SERPING1: variants seen among roughly 807,000 people sequenced by gnomAD.
SERPING1 encodes serpin family G member 1.
In SERPING1, 5 loss-of-function variants were observed where a neutral mutation model predicts 34.1. The ratio of observed to expected loss-of-function variants is 0.15; its 90% CI spans 0.08 to 0.31. The LOEUF (loss-of-function observed/expected upper bound fraction) is 0.31. Ranked by LOEUF, SERPING1 falls within the 10% of genes least tolerant of loss-of-function variation. The pLI is 1.00. For missense variants in SERPING1, 505 were observed against 609.5 expected (o/e 0.83, Z 1.81); for synonymous variants, 225 against 242.4 (o/e 0.93, Z 0.67).
chr11:57,598,222 T>A, intron 1 of SERPING1, 27 bp from the exon 2 acceptor site: 2 of 1,531,894 alleles, frequency 1.3e-6, no homozygotes, highest in Non-Finnish European at 1.8e-6. Flanking sequence ...GGGTGGGAGC[T>A]GGCTCCGAGG....
At chr11:57,599,544 G>C (rs1482953193) in intron 2 of SERPING1, among the ~76,000 whole-genome samples, 1 of 152,222 alleles carries the variant, frequency 6.6e-6, no homozygotes, top group East Asian at 1.9e-4. Flanking sequence ...ACAGGAAATT[G>C]CAAGAACATA....
chr11:57,606,237 GTCTTCCCATTCTGGGTCCT>G, intron 5 of SERPING1, 24 bp downstream of exon 5: 1 of 1,613,800 alleles, frequency 6.2e-7, no homozygotes, highest in Non-Finnish European at 8.5e-7. Context: ...TAGCCAGTTA[GTCTTCCCATTCTGGGTCCT>G]TCTTCCCCTC....
intron 6 of SERPING1, among the ~76,000 whole-genome samples, chr11:57,609,038 G>T (rs1945445484): frequency 6.6e-6 from 1 of 152,100 alleles, no homozygotes; most frequent in African/African-American, 2.4e-5. Context: ...CAGCACTTTA[G>T]GAGGCTGAGG....
chr11:57,614,476 C>A lies in SERPING1; in HGVS notation c.1398C>A (p.Arg466=). 1 of 1,614,120 alleles carries A rather than the reference C, an allele frequency of 6.2e-7. No homozygotes were observed. The highest frequency in any genetic ancestry group is 8.5e-7 in the Non-Finnish European group (1 of 1,180,036). Residue 466 remains arginine, a synonymous_variant, in exon 8 of 8, where the codon CGC becomes CGA. Coordinates refer to ENST00000278407, the MANE Select transcript of SERPING1 (RefSeq NM_000062.3). Reference sequence around the variant, plus strand: ...CAGCCTCCGCCATCTCTGTGGCCCGCACCCTGCTGGTCTTTGAAGTGCAGC... The same window carrying A: ...CAGCCTCCGCCATCTCTGTGGCCCGAACCCTGCTGGTCTTTGAAGTGCAGC... The part of the protein sequence containing the change: ...AAAASAISVA[R]TLLVFEVQQP...
At chr11:57,601,564 C>G (rs1420550713) in intron 3 of SERPING1, among the ~76,000 whole-genome samples, 1 of 152,030 alleles carries the variant, frequency 6.6e-6, no homozygotes, top group East Asian at 1.9e-4. Flanking sequence ...TATTACTCCC[C>G]AGAGAGAATT....
rs1184255008 is a variant in SERPING1 at position 57,610,203 on chromosome 11, CT to C, written c.1030-1513del. Among the ~76,000 whole-genome samples the C allele has an allele frequency of 2.0e-5, 3 of 152,146 alleles. No homozygotes were observed. The highest frequency in any genetic ancestry group is 4.4e-5 in the Non-Finnish European group (3 of 68,032). On this transcript the variant is annotated intron_variant, in intron 6 of 7. Coordinates refer to ENST00000278407, the MANE Select transcript of SERPING1 (RefSeq NM_000062.3). ...ATACAGGTTACCCTGAACTTAACAC[CT>C]GGTTTTAACATGATGAAGTTGGTTT...
At chr11:57,605,158 G>T (rs1220614802) in intron 4 of SERPING1, among the ~76,000 whole-genome samples, 1 of 151,972 alleles carries the variant, frequency 6.6e-6, no homozygotes. Context: ...AGCTTTATCC[G>T]CTGTCTTGCT....
In SERPING1 at chr11:57,607,990, G is replaced by C. The variant is rs78624400; in HGVS notation, c.1029+1443G>C. Among the ~76,000 whole-genome samples, 32,264 of 152,164 alleles carry C rather than the reference G, an allele frequency of 0.21. 3,928 individuals are homozygous for C. Among genetic ancestry groups the C allele is most frequent in the Non-Finnish European group, 0.27 (18,638 of 67,984 alleles). On this transcript the variant is annotated intron_variant, in intron 6 of 7. Transcript: ENST00000278407. ...GTTATTTTTGACCATTCTTTGCTCA[G>C]TTATTTATCCACTCATGGACTTATC...
intron 3 of SERPING1, 118 bp downstream of exon 3, chr11:57,600,495 A>C: frequency 9.0e-7 from 1 of 1,115,398 alleles, no homozygotes; most frequent in Non-Finnish European, 1.3e-6. Context: ...GGGCTATTAT[A>C]TATTGGGGGT....
intron 4 of SERPING1, among the ~76,000 whole-genome samples, chr11:57,604,706 T>A (rs866608625): frequency 2.0e-5 from 3 of 152,084 alleles, no homozygotes; most frequent in Admixed American, 1.3e-4. Flanking sequence ...TGTTTTTTTT[T>A]AAACTGTAAA....
intron 6 of SERPING1, 125 bp from the exon 7 acceptor site, chr11:57,611,592 G>T: frequency 1.1e-6 from 1 of 941,806 alleles, no homozygotes; most frequent in Non-Finnish European, 1.7e-6. Context: ...GGAAGCTTAG[G>T]TCTGACTGAT....
chr11:57,614,313 C>T lies in SERPING1; in HGVS notation c.1250-15C>T. The T allele has an allele frequency of 6.2e-7, 1 of 1,612,870 alleles. No homozygotes were observed. Among genetic ancestry groups the T allele is most frequent in the Non-Finnish European group, 8.5e-7 (1 of 1,180,012 alleles). On this transcript the variant is annotated splice_polypyrimidine_tract_variant and intron_variant, in intron 7 of 7. Transcript: ENST00000278407. ...TGCTGGCTTCTGACTCTGTTTTTCT[C>T]TGGTTTTGCCCTAGAATTCTTCGAT...
intron 6 of SERPING1, among the ~76,000 whole-genome samples, chr11:57,610,031 T>C (rs1025751787): frequency 6.6e-6 from 1 of 152,232 alleles, no homozygotes; most frequent in Non-Finnish European, 1.5e-5. Flanking sequence ...AAACTGAAAA[T>C]TAAATTTGAA....
At chr11:57,605,233 T>C (rs977257564) in intron 4 of SERPING1, among the ~76,000 whole-genome samples, 26 of 152,264 alleles carry the variant, frequency 1.7e-4, no homozygotes, top group South Asian at 4.1e-4. Context: ...AGCTGCACAC[T>C]GGAGCTGTGC....
intron 6 of SERPING1, among the ~76,000 whole-genome samples, chr11:57,609,914 G>C (rs913622366): frequency 2.0e-5 from 3 of 152,148 alleles, no homozygotes; most frequent in African/African-American, 7.2e-5. Flanking sequence ...TTCCAGGCAT[G>C]AGCCACCTCA....
At chr11:57,606,599 A>G (rs530325722) in intron 6 of SERPING1, 52 bp downstream of exon 6, 2 of 1,598,228 alleles carry the variant, frequency 1.3e-6, no homozygotes, top group African/African-American at 2.7e-5. Flanking sequence ...GAGTCTCCTG[A>G]CTTTTTTTCT....
intron 3 of SERPING1, among the ~76,000 whole-genome samples, chr11:57,600,861 G>T (rs1022216839): frequency 2.6e-5 from 4 of 151,650 alleles, no homozygotes; most frequent in African/African-American, 9.7e-5. Context: ...TGAGGCAGGA[G>T]AATCGCTTGA....
chr11:57,611,171 TC>T, intron 6 of SERPING1: 2 of 163,180 alleles, frequency 1.2e-5, no homozygotes, highest in Admixed American at 1.1e-4. Context: ...GACCTCGTGA[TC>T]CGCCCACCTC....
intron 4 of SERPING1, chr11:57,605,797 TGGG>T: frequency 1.6e-6 from 1 of 622,896 alleles, no homozygotes; most frequent in South Asian, 1.8e-5. Context: ...AGCGGAGGCT[TGGG>T]GCTACTTCTC....
Sources: allele counts gnomAD v4.1 joint callset (sites outside exome capture counted in the v4.1 genomes callset), GRCh38; gene constraint gnomAD v4.1.1; transcripts MANE v1.5; gene names NCBI Gene and HGNC (gene_info 2026-07-23, HGNC 2026-07-21).